Variants in KITLG observed in about 807,000 individuals in gnomAD.
The protein encoded by KITLG is c-Kit ligand.
Under a neutral mutation model 34.1 loss-of-function variants are expected in KITLG, and 13 were observed. The ratio of observed to expected loss-of-function variants is 0.38; its 90% CI spans 0.25 to 0.61. The LOEUF is 0.61. Among genes scored for constraint, KITLG ranks in the 20% least tolerant of loss-of-function variants. The pLI, the probability that KITLG is intolerant of heterozygous loss-of-function variation, is 0.60. For missense variants in KITLG, 292 were observed against 318.9 expected (o/e 0.92, Z 0.64); for synonymous variants, 110 against 104.0 (o/e 1.06, Z -0.35).
At chr12:88,549,578 T>C (rs1048072343) in intron 1 of KITLG, among the ~76,000 whole-genome samples, 5 of 152,166 alleles carry the variant, frequency 3.3e-5, no homozygotes, top group African/African-American at 1.2e-4. Context: ...TCAACTGATA[T>C]GGGGAAGACT....
intron 1 of KITLG, among the ~76,000 whole-genome samples, chr12:88,579,247 C>G (rs1181334582): frequency 6.6e-6 from 1 of 152,216 alleles, no homozygotes; most frequent in Admixed American, 6.5e-5. Context: ...TTTTTCCCCA[C>G]CACTTCCACC....
intron 1 of KITLG, among the ~76,000 whole-genome samples, chr12:88,556,057 G>A (rs1190943319): frequency 6.6e-6 from 1 of 152,012 alleles, no homozygotes; most frequent in African/African-American, 2.4e-5. Context: ...GGGGGGAGAA[G>A]CTTCTCCAAA....
chr12:88,508,402 T>A (rs370598470), intron 6 of KITLG, among the ~76,000 whole-genome samples: 7 of 152,198 alleles, frequency 4.6e-5, no homozygotes, highest in East Asian at 3.9e-4. Context: ...TAGATTTAAC[T>A]TGATAAGTCA....
Position 88,532,358 on chromosome 12 carries a change from C to A in KITLG, c.192+83G>T. 7 of 972,220 alleles carry A rather than the reference C, an allele frequency of 7.2e-6. No individual in the cohort carries two copies. The South Asian group carries it at 8.4e-5, about 12-fold the overall frequency. 60.2% of individuals were successfully genotyped at this position (972,220 alleles called of 1,614,324 possible). ...TGACAATAAGCAAGCTCCTAAATAG[C>A]AGCTAGTGTACTATCTCAATATGAA... On this transcript the variant is annotated intron_variant, in intron 3 of 9. Transcript: ENST00000644744.
chr12:88,559,315 G>C (rs7965365), intron 1 of KITLG, among the ~76,000 whole-genome samples: 100,171 of 152,100 alleles, frequency 0.66, 36,717 homozygotes, highest in Middle Eastern at 0.86. Flanking sequence ...GAGAAGACAG[G>C]CTGGCTGTGG....
At chr12:88,549,140 T>A (rs546936537) in intron 1 of KITLG, among the ~76,000 whole-genome samples, 1 of 151,860 alleles carries the variant, frequency 6.6e-6, no homozygotes, top group Non-Finnish European at 1.5e-5. Context: ...ATAGCAAGAG[T>A]AAATTAGGGA....
rs548365998 is a variant in KITLG at position 88,580,079 on chromosome 12, C to T, written c.15+185G>A. On this transcript the variant is annotated intron_variant, in intron 1 of 9. Transcript: ENST00000644744. The stretch of plus-strand genomic sequence containing the variant: ...TCTCAGCACTCCCACTCCTTTTCTC[C>T]CTGGCTCACCCGGCTCGGCTCGGGA... The T allele has an allele frequency of 2.7e-5, 18 of 659,534 alleles. No individual in the cohort carries two copies. In the African/African-American group the frequency reaches 2.9e-4, roughly 11 times the overall value. 40.9% of individuals were successfully genotyped at this position (659,534 alleles called of 1,614,324 possible).
intron 1 of KITLG, among the ~76,000 whole-genome samples, chr12:88,575,631 TA>T (rs1270650411): frequency 5.9e-5 from 9 of 152,296 alleles, no homozygotes; most frequent in Non-Finnish European, 1.2e-4. Context: ...GCATATATTA[TA>T]AAAATATCTT....
intron 1 of KITLG, among the ~76,000 whole-genome samples, chr12:88,557,013 G>T (rs1871117971): frequency 6.6e-6 from 1 of 152,110 alleles, no homozygotes; most frequent in South Asian, 2.1e-4. Context: ...GAGTATGAGG[G>T]AATTTCAAGG....
chr12:88,566,712 G>A (rs1326332776), intron 1 of KITLG, among the ~76,000 whole-genome samples: 4 of 152,186 alleles, frequency 2.6e-5, no homozygotes, highest in South Asian at 4.1e-4. Context: ...AGAGGACCTT[G>A]TATAGTGTGC....
At chr12:88,500,858 C>T (rs1318214355) in intron 9 of KITLG, among the ~76,000 whole-genome samples, 1 of 152,168 alleles carries the variant, frequency 6.6e-6, no homozygotes, top group African/African-American at 2.4e-5. Flanking sequence ...TGGCTTATTA[C>T]AGCCTCAACC....
intron 6 of KITLG, 26 bp downstream of exon 6, chr12:88,515,508 G>A: frequency 4.1e-6 from 6 of 1,446,960 alleles, no homozygotes; most frequent in Non-Finnish European, 5.8e-6. Context: ...AGCCATGCAT[G>A]CATTAAATCA....
intron 1 of KITLG, among the ~76,000 whole-genome samples, chr12:88,546,851 AACACTC>A (rs1203116805): frequency 6.6e-6 from 1 of 152,228 alleles, no homozygotes; most frequent in Non-Finnish European, 1.5e-5. Context: ...GTAAATAAAT[AACACTC>A]ACATCTTGTG....
intron 3 of KITLG, among the ~76,000 whole-genome samples, chr12:88,526,795 C>T (rs572033424): frequency 6.7e-6 from 1 of 150,154 alleles, no homozygotes; most frequent in Admixed American, 6.6e-5. Flanking sequence ...TATGTGGCAG[C>T]AAGGAACTGG....
rs556876340 is a variant in KITLG, at chr12:88,511,803, A to C, written c.604+3731T>G. Among the ~76,000 whole-genome samples, 3 of 152,314 alleles carry C rather than the reference A, an allele frequency of 2.0e-5. No individual in the cohort carries two copies. In the East Asian group the frequency reaches 5.8e-4, roughly 29 times the overall value. ...GAGATTTTCTGAGCACTTTACAGAT[A>C]TCTCAGATATTCCATGCCTTAGGAA... On this transcript the variant is annotated intron_variant, in intron 6 of 9. Transcript: ENST00000644744.
At chr12:88,552,684 C>CT (rs1353148381) in intron 1 of KITLG, among the ~76,000 whole-genome samples, 1 of 151,798 alleles carries the variant, frequency 6.6e-6, no homozygotes, top group East Asian at 1.9e-4. Flanking sequence ...AGCAGCTCAG[C>CT]TTTTTTTGTT....
At chr12:88,554,271 T>G (rs1871022840) in intron 1 of KITLG, among the ~76,000 whole-genome samples, 2 of 151,910 alleles carry the variant, frequency 1.3e-5, no homozygotes, top group African/African-American at 2.4e-5. Context: ...AACAAAAAAA[T>G]AAAATACAGA....
At chr12:88,552,176 ATT>A (rs200666559) in intron 1 of KITLG, among the ~76,000 whole-genome samples, 60 of 137,222 alleles carry the variant, frequency 4.4e-4, no homozygotes, top group African/African-American at 9.6e-4. Context: ...AATTATGATA[ATT>A]TTTTTTTTTT....
chr12:88,545,767 T>G lies in KITLG; in HGVS notation c.114A>C (p.Lys38Asn), dbSNP rs753898286. The change falls in exon 2 of 10, where the codon AAA becomes AAC. Residue 38 changes from lysine (K) to asparagine (N), a missense_variant. Around this residue, in one of 2 missense-constraint regions of KITLG, gnomAD observed 152 missense variants for 207.9 expected, o/e 0.73. Coordinates refer to ENST00000644744, the MANE Select transcript of KITLG (RefSeq NM_000899.5). The stretch of plus-strand genomic sequence containing the variant: ...CCTTACTTACCAATTTAGTGACGTC[T>G]TTTACATTATTAGTCACACGATTCC... ...ICRNRVTNNV[K>N]DVTKLVANLP... is the part of the protein sequence containing the mutation. 1 of 1,595,914 alleles carries G rather than the reference T, an allele frequency of 6.3e-7. No homozygotes were observed. Among genetic ancestry groups the G allele is most frequent in the African/African-American group, 1.3e-5 (1 of 74,640 alleles).
Sources: allele counts gnomAD v4.1 joint callset (sites outside exome capture counted in the v4.1 genomes callset), GRCh38; gene constraint gnomAD v4.1.1; regional missense constraint gnomAD v4.1.1; transcripts MANE v1.5; gene names NCBI Gene and HGNC (gene_info 2026-07-23, HGNC 2026-07-21).